CLSTN2: variants seen among roughly 807,000 people sequenced by gnomAD.
CLSTN2 encodes calsyntenin-2.
CLSTN2 carries 48 observed loss-of-function variants against 101.2 expected under a neutral mutation model. The observed-to-expected ratio is 0.47, with a 90% CI of 0.38 to 0.60. The LOEUF is 0.60. Among genes scored for constraint, CLSTN2 ranks in the 20% least tolerant of loss-of-function variants. CLSTN2 has a pLI of 0.00. For missense variants in CLSTN2, 1,160 were observed against 1,238.2 expected, an observed-to-expected ratio of 0.94 and a Z score of 0.95; for synonymous variants, 481 against 463.6, an observed-to-expected ratio of 1.04 and a Z score of -0.48.
intron 8 of CLSTN2, among the ~76,000 whole-genome samples, chr3:140,527,499 G>A (rs1325577720): frequency 6.6e-6 from 1 of 152,156 alleles, no homozygotes; most frequent in African/African-American, 2.4e-5. Context: ...CAGCCACTAT[G>A]GAAAGCAGTT....
At chr3:140,519,540 G>A (rs1070410) in intron 8 of CLSTN2, among the ~76,000 whole-genome samples, 202 of 152,260 alleles carry the variant, frequency 1.3e-3, no homozygotes, top group African/African-American at 4.7e-3. Context: ...ATATATTTAG[G>A]ATAGTTAGCT....
intron 2 of CLSTN2, among the ~76,000 whole-genome samples, chr3:140,261,653 A>T (rs7646532): frequency 0.023 from 3,446 of 151,384 alleles, 117 homozygotes; most frequent in African/African-American, 0.078. Context: ...AAGGTGAGAA[A>T]TGTTTACTAT....
At chr3:140,171,627 T>C (rs35017516) in intron 1 of CLSTN2, among the ~76,000 whole-genome samples, 63,580 of 126,660 alleles carry the variant, frequency 0.5, 17,839 homozygotes, top group East Asian at 0.87. Flanking sequence ...TTATATAATA[T>C]GTATTATATA....
rs1050104197 is a variant in CLSTN2, at chr3:140,568,814, C to A, written c.*2561C>A. The A allele has an allele frequency of 8.6e-5, 13 of 151,690 alleles. No individual in the cohort carries two copies. Among genetic ancestry groups the A allele is most frequent in the African/African-American group, 3.2e-4 (13 of 41,236 alleles). The allele number at this position is 151,690 out of a possible 1,614,324, so 9.4% of individuals were successfully genotyped here. On this transcript the variant is annotated 3_prime_UTR_variant, in exon 17 of 17. Coordinates refer to ENST00000458420, the MANE Select transcript of CLSTN2 (RefSeq NM_022131.3). Reference sequence around the variant, plus strand: ...AGTTGAGAGAGCTGTTAGGTAAAATCTTTATATGTGTTGGGGTTTTTTTGG... The same window carrying A: ...AGTTGAGAGAGCTGTTAGGTAAAATATTTATATGTGTTGGGGTTTTTTTGG...
chr3:140,350,643 C>T (rs980044623), intron 2 of CLSTN2, among the ~76,000 whole-genome samples: 1 of 152,198 alleles, frequency 6.6e-6, no homozygotes, highest in African/African-American at 2.4e-5. Flanking sequence ...ACTCTCCCTT[C>T]CCAGATGTTT....
In CLSTN2 at chr3:140,031,032, T is replaced by A. The variant is rs571852037; in HGVS notation, c.109+95549T>A. 2.0e-5 allele frequency among the ~76,000 whole-genome samples: 3 copies of A among 152,360 alleles called. No homozygotes were observed. The East Asian group carries it at 5.8e-4, about 29-fold the overall frequency. ...CTGCCTCTTCTTGCTTTTATTCCTCTTGGGAAATCTTGACAAAGCCATGGC... is the reference window on the plus strand; with the variant it reads ...CTGCCTCTTCTTGCTTTTATTCCTCATGGGAAATCTTGACAAAGCCATGGC... On this transcript the variant is annotated intron_variant, in intron 1 of 16. Transcript: ENST00000458420.
intron 1 of CLSTN2, among the ~76,000 whole-genome samples, chr3:140,024,298 G>A (rs1057378524): frequency 6.6e-6 from 1 of 152,186 alleles, no homozygotes; most frequent in Non-Finnish European, 1.5e-5. Flanking sequence ...GGTGTCCTGC[G>A]GCATGGGTGC....
chr3:140,199,077 C>T (rs2010685494), intron 2 of CLSTN2, among the ~76,000 whole-genome samples: 1 of 152,176 alleles, frequency 6.6e-6, no homozygotes, highest in Admixed American at 6.5e-5. Flanking sequence ...GCCTTTCTCT[C>T]AAGTCCTCAA....
intron 10 of CLSTN2, among the ~76,000 whole-genome samples, chr3:140,548,352 G>A (rs193245151): frequency 1.0e-3 from 156 of 152,296 alleles, no homozygotes; most frequent in Non-Finnish European, 1.9e-3. Flanking sequence ...TGTTCTAAAC[G>A]TTTTATGGGT....
chr3:140,245,369 C>T (rs2086506813), intron 2 of CLSTN2, among the ~76,000 whole-genome samples: 1 of 151,452 alleles, frequency 6.6e-6, no homozygotes, highest in African/African-American at 2.4e-5. Flanking sequence ...ATGGTGAATA[C>T]AGAAATGAAG....
intron 16 of CLSTN2, among the ~76,000 whole-genome samples, chr3:140,565,507 G>T (rs1175271694): frequency 4.6e-5 from 7 of 152,090 alleles, no homozygotes; most frequent in Non-Finnish European, 8.8e-5. Flanking sequence ...CAAGTCAGGG[G>T]GTGAGCAGCA....
At chr3:140,566,018 CT>C in intron 16 of CLSTN2, 34 bp from the exon 17 acceptor site, 1 of 1,613,326 alleles carries the variant, frequency 6.2e-7, no homozygotes, top group African/African-American at 1.3e-5. Context: ...TGTTCAGCCC[CT>C]GATGAGCATT....
chr3:139,985,131 T>C lies in CLSTN2; in HGVS notation c.109+49648T>C, dbSNP rs533852518. Among the ~76,000 whole-genome samples the C allele has an allele frequency of 8.5e-5, 13 of 152,270 alleles. No individual in the cohort carries two copies. In the East Asian group the frequency reaches 2.5e-3, roughly 29 times the overall value. ...TGGTCTCCTGCTCTGGTCTCCACAATTCACTCTCCGTAGGCAATTCTCCAC... is the reference window on the plus strand; with the variant it reads ...TGGTCTCCTGCTCTGGTCTCCACAACTCACTCTCCGTAGGCAATTCTCCAC... On this transcript the variant is annotated intron_variant, in intron 1 of 16. Coordinates refer to ENST00000458420, the MANE Select transcript of CLSTN2 (RefSeq NM_022131.3).
intron 1 of CLSTN2, among the ~76,000 whole-genome samples, chr3:140,000,944 A>T (rs2006821691): frequency 6.6e-6 from 1 of 152,142 alleles, no homozygotes; most frequent in Admixed American, 6.5e-5. Context: ...ATGTGTCTTG[A>T]TTCTGAGGCT....
chr3:140,219,952 C>T (rs1362037908), intron 2 of CLSTN2, among the ~76,000 whole-genome samples: 1 of 152,146 alleles, frequency 6.6e-6, no homozygotes. Flanking sequence ...ATCACTTCAA[C>T]CCCAGGAGGA....
At chr3:140,404,258 T>C (rs1011184004) in intron 3 of CLSTN2, among the ~76,000 whole-genome samples, 1 of 152,184 alleles carries the variant, frequency 6.6e-6, no homozygotes, top group African/African-American at 2.4e-5. Flanking sequence ...AAATTCTTAC[T>C]GAATGGAGGA....
At chr3:140,054,606 C>T (rs2008061803) in intron 1 of CLSTN2, among the ~76,000 whole-genome samples, 1 of 152,154 alleles carries the variant, frequency 6.6e-6, no homozygotes. Flanking sequence ...GCCAGGGACC[C>T]TTACCTGCTA....
chr3:140,469,189 G>A (rs1432221293), intron 8 of CLSTN2, among the ~76,000 whole-genome samples: 2 of 152,166 alleles, frequency 1.3e-5, no homozygotes, highest in East Asian at 3.9e-4. Context: ...ATATATTGGG[G>A]GTTAGGTTTT....
rs139938953 is a variant in CLSTN2 at position 140,390,597 on chromosome 3, T to C, written c.233-13032T>C. 4.7e-3 allele frequency among the ~76,000 whole-genome samples: 721 copies of C among 152,354 alleles called. 8 individuals carry two copies. The highest frequency in any genetic ancestry group is 0.017 in the African/African-American group (696 of 41,588). ...AGTTGGATGTAGTATTCTATACATA[T>C]CAGTTGGGACAAAATGGTGATAGTG... On this transcript the variant is annotated intron_variant, in intron 2 of 16. Coordinates refer to ENST00000458420, the MANE Select transcript of CLSTN2 (RefSeq NM_022131.3).
Sources: gnomAD v4.1 joint callset for allele counts (sites outside exome capture counted in the v4.1 genomes callset) on GRCh38, gnomAD v4.1.1 for gene constraint, MANE v1.5 for transcripts, NCBI Gene and HGNC (gene_info 2026-07-23, HGNC 2026-07-21) for gene names.